Variants in SCAMP1 observed in about 807,000 individuals in gnomAD.
The protein encoded by SCAMP1 is secretory carrier-associated membrane protein 1.
In SCAMP1, 15 loss-of-function variants were observed where a neutral mutation model predicts 41.8. The ratio of observed to expected loss-of-function variants is 0.36; its 90% CI spans 0.24 to 0.55. The LOEUF (loss-of-function observed/expected upper bound fraction) is 0.55, where lower values mean the gene tolerates loss of function less well. Among genes scored for constraint, SCAMP1 ranks in the 20% least tolerant of loss-of-function variants. The pLI is 0.86. For missense variants in SCAMP1, 341 were observed against 412.6 expected (o/e 0.83, Z 1.50); for synonymous variants, 135 against 136.8 (o/e 0.99, Z 0.09).
intron 8 of SCAMP1, 97 bp from the exon 9 acceptor site, chr5:78,475,407 A>C: frequency 1.3e-6 from 1 of 797,234 alleles, no homozygotes; most frequent in South Asian, 2.7e-5. Flanking sequence ...ACTACAATCT[A>C]GTATTTTTAT....
At position 78,448,075 on chromosome 5, in the gene SCAMP1, C is replaced by A. The variant is rs374977646; in HGVS notation, c.633-1858C>A. On this transcript the variant is annotated intron_variant, in intron 6 of 8. Coordinates refer to ENST00000621999, the MANE Select transcript of SCAMP1 (RefSeq NM_004866.6). ...CCTCCTCTCCCCCTCCCCCTCCCTC[C>A]TCCTTTCCCCCTCCCCCTTCCCCCT... 2.9e-4 allele frequency among the ~76,000 whole-genome samples: 6 copies of A among 20,850 alleles called. No individual in the cohort carries two copies. The East Asian group carries it at 5.0e-3, about 17-fold the overall frequency. 13.7% of individuals were successfully genotyped at this position (20,850 alleles called of 152,430 possible).
Position 78,394,023 on chromosome 5 carries a change from G to A in SCAMP1, c.135+5109G>A, listed in dbSNP as rs148907514. 4.8e-4 allele frequency among the ~76,000 whole-genome samples: 73 copies of A among 152,192 alleles called. 1 individual carries two copies. The highest frequency in any genetic ancestry group is 1.7e-3 in the African/African-American group (70 of 41,518). On this transcript the variant is annotated intron_variant, in intron 2 of 8. Transcript: ENST00000621999. ...CTAGTTTACTGTCATGTTTCTTTTC[G>A]TTAGGGATTGTCTGCCTGGTTCTTT...
At chr5:78,398,355 C>CT (rs1197381285) in intron 2 of SCAMP1, among the ~76,000 whole-genome samples, 1,435 of 57,456 alleles carry the variant, frequency 0.025, 380 homozygotes, top group African/African-American at 0.086. Context: ...GGGTTCACCT[C>CT]TTTTTTTTTT....
At chr5:78,443,072 G>T (rs1752965690) in intron 6 of SCAMP1, among the ~76,000 whole-genome samples, 1 of 151,934 alleles carries the variant, frequency 6.6e-6, no homozygotes, top group African/African-American at 2.4e-5. Flanking sequence ...TATTAGCTGG[G>T]TGTGGTGGTG....
At chr5:78,450,063 C>A in intron 7 of SCAMP1, 29 bp downstream of exon 7, 1 of 1,198,684 alleles carries the variant, frequency 8.3e-7, no homozygotes, top group African/African-American at 1.6e-5. Flanking sequence ...TAGTTTTCAG[C>A]TTTAATCTAA....
At chr5:78,391,599 C>T (rs1240626820) in intron 2 of SCAMP1, among the ~76,000 whole-genome samples, 1 of 151,880 alleles carries the variant, frequency 6.6e-6, no homozygotes, top group East Asian at 2.0e-4. Context: ...ACTTCCCACA[C>T]GGGGTGGCGG....
Position 78,384,171 on chromosome 5 carries a change from G to GTTTT in SCAMP1, c.58-4661_58-4658dup, listed in dbSNP as rs772536603. The stretch of plus-strand genomic sequence containing the variant: ...CCTCTTTGGTTAGGTATATTCCCAA[G>GTTTT]TTTTTTTTCTTTTTTTTTTTTTGCA... On this transcript the variant is annotated intron_variant, in intron 1 of 8. Transcript: ENST00000621999. 6.3e-3 allele frequency among the ~76,000 whole-genome samples: 431 copies of GTTTT among 68,806 alleles called. 27 individuals carry two copies. The highest frequency in any genetic ancestry group is 0.019 in the African/African-American group (377 of 19,906). 45.1% of individuals were successfully genotyped at this position (68,806 alleles called of 152,430 possible).
chr5:78,449,855 A>T (rs1358838583), intron 6 of SCAMP1, 78 bp from the exon 7 acceptor site: 1 of 774,128 alleles, frequency 1.3e-6, no homozygotes. Context: ...TGTAAAGATA[A>T]TGAGAAAAAT....
At chr5:78,364,227 C>T (rs1750737952) in intron 1 of SCAMP1, among the ~76,000 whole-genome samples, 2 of 152,114 alleles carry the variant, frequency 1.3e-5, no homozygotes, top group Admixed American at 1.3e-4. Flanking sequence ...GCAATATAGG[C>T]TCTTACAAGT....
intron 6 of SCAMP1, among the ~76,000 whole-genome samples, chr5:78,434,030 A>C (rs766541614): frequency 3.9e-5 from 6 of 152,070 alleles, no homozygotes; most frequent in Admixed American, 2.0e-4. Context: ...TCCCACATAA[A>C]GCTTTTGTTT....
chr5:78,389,278 T>C (rs563224338), intron 2 of SCAMP1, among the ~76,000 whole-genome samples: 52 of 152,298 alleles, frequency 3.4e-4, no homozygotes, highest in African/African-American at 1.2e-3. Context: ...ACGTGGAAAC[T>C]GTGTAGAACT....
rs775957225 is a variant in SCAMP1 at position 78,475,769 on chromosome 5, C to T, written c.*101C>T. 1.1e-6 allele frequency: 1 copy of T among 898,166 alleles called. No homozygotes were observed. Among genetic ancestry groups the T allele is most frequent in the Non-Finnish European group, 1.5e-6 (1 of 658,746 alleles). The allele number at this position is 898,166 out of a possible 1,614,324, so 55.6% of individuals were successfully genotyped here. On this transcript the variant is annotated 3_prime_UTR_variant, in exon 9 of 9. Coordinates refer to ENST00000621999, the MANE Select transcript of SCAMP1 (RefSeq NM_004866.6). ...TGTTCAAAACACACAGTACAGACAG[C>T]ATGGATATTTCCTGTTCACTTGTGC...
At chr5:78,370,332 T>C (rs1398578100) in intron 1 of SCAMP1, among the ~76,000 whole-genome samples, 4 of 152,214 alleles carry the variant, frequency 2.6e-5, no homozygotes, top group Non-Finnish European at 5.9e-5. Flanking sequence ...GGGTGTGGGA[T>C]ATAAAAGGTG....
In SCAMP1 at chr5:78,416,469, G is replaced by A. The variant is rs576842396; in HGVS notation, c.235-72G>A. ...GGTTTCTCTCATAGTAGAGAAGTAGGAGTTAGCATATAAATGTTAAAGTAT... is the reference window on the plus strand; with the variant it reads ...GGTTTCTCTCATAGTAGAGAAGTAGAAGTTAGCATATAAATGTTAAAGTAT... On this transcript the variant is annotated intron_variant, in intron 3 of 8. Transcript: ENST00000621999. 1,264 of 1,093,834 alleles carry A rather than the reference G, an allele frequency of 1.2e-3. 1 individual carries two copies. The highest frequency in any genetic ancestry group is 1.3e-3 in the Non-Finnish European group (957 of 759,622). The allele number at this position is 1,093,834 out of a possible 1,614,324, so 67.8% of individuals were successfully genotyped here.
intron 1 of SCAMP1, among the ~76,000 whole-genome samples, chr5:78,380,606 G>T (rs1751180201): frequency 6.6e-6 from 1 of 151,890 alleles, no homozygotes; most frequent in African/African-American, 2.4e-5. Context: ...TTTTCAAGAA[G>T]TATTTATTGG....
chr5:78,420,174 G>C (rs1470477399), intron 5 of SCAMP1, among the ~76,000 whole-genome samples: 1 of 152,140 alleles, frequency 6.6e-6, no homozygotes, highest in East Asian at 1.9e-4. Context: ...TCGTGCCTCA[G>C]CCTCCTGAGT....
chr5:78,380,794 G>A (rs1486383960), intron 1 of SCAMP1, among the ~76,000 whole-genome samples: 13 of 152,052 alleles, frequency 8.5e-5, no homozygotes, highest in Non-Finnish European at 1.6e-4. Flanking sequence ...GGCCGGGAGC[G>A]GTGGCTCATG....
At chr5:78,452,653 G>T (rs950276754) in intron 7 of SCAMP1, among the ~76,000 whole-genome samples, 2 of 151,622 alleles carry the variant, frequency 1.3e-5, no homozygotes. Context: ...AAACATACGT[G>T]TGCATGTGTC....
chr5:78,411,279 T>C (rs186118922), intron 2 of SCAMP1, among the ~76,000 whole-genome samples: 1 of 152,324 alleles, frequency 6.6e-6, no homozygotes, highest in South Asian at 2.1e-4. Context: ...GGTTTTACAT[T>C]TAAAGGACCA....
Sources: allele counts gnomAD v4.1 joint callset (sites outside exome capture counted in the v4.1 genomes callset), GRCh38; gene constraint gnomAD v4.1.1; transcripts MANE v1.5; gene names NCBI Gene and HGNC (gene_info 2026-07-23, HGNC 2026-07-21).